Variants in NLGN1 observed in about 807,000 individuals in gnomAD.
The protein encoded by NLGN1 is neuroligin-1.
Under a neutral mutation model 65.5 loss-of-function variants are expected in NLGN1, and 12 were observed. That is an observed-to-expected ratio of 0.18 (90% CI 0.12 to 0.30). NLGN1 has a LOEUF of 0.30. Among genes scored for constraint, NLGN1 ranks in the 10% least tolerant of loss-of-function variants. The pLI is 1.00. For synonymous variants in NLGN1, 350 were observed against 359.5 expected (o/e 0.97, Z 0.30); for missense variants, 750 against 1,007.1 (o/e 0.74, Z 3.46).
chr3:173,929,795 C>T (rs1743736611), intron 4 of NLGN1, among the ~76,000 whole-genome samples: 1 of 151,600 alleles, frequency 6.6e-6, no homozygotes, highest in African/African-American at 2.4e-5. Flanking sequence ...ACTTCTGCCT[C>T]TCGGGTTCAA....
chr3:173,485,118 A>C (rs887023375), intron 2 of NLGN1, among the ~76,000 whole-genome samples: 17 of 97,340 alleles, frequency 1.7e-4, no homozygotes, highest in Non-Finnish European at 3.5e-4. Flanking sequence ...GCAGCAGGCA[A>C]AAAAAAAAAA....
intron 3 of NLGN1, among the ~76,000 whole-genome samples, chr3:173,649,974 G>A (rs1758885304): frequency 6.6e-6 from 1 of 151,762 alleles, no homozygotes; most frequent in African/African-American, 2.4e-5. Context: ...CCTCATAAAA[G>A]GATACTATAT....
chr3:173,475,720 T>C (rs1726081546), intron 2 of NLGN1, among the ~76,000 whole-genome samples: 1 of 152,206 alleles, frequency 6.6e-6, no homozygotes, highest in Admixed American at 6.6e-5. Context: ...TTACCACTAA[T>C]CATTCCTCAA....
At chr3:173,419,017 C>CTTTTTTTTTTTTTTTTTTTTTTTTTT (rs1714402944) in intron 1 of NLGN1, among the ~76,000 whole-genome samples, 1 of 11,280 alleles carries the variant, frequency 8.9e-5, no homozygotes, top group African/African-American at 3.8e-4. Context: ...CTTTCTTCTT[C>CTTTTTTTTTTTTTTTTTTTTTTTTTT]TTCTTTTTTT....
chr3:174,130,862 T>C (rs1250972291), intron 4 of NLGN1, among the ~76,000 whole-genome samples: 1 of 152,178 alleles, frequency 6.6e-6, no homozygotes, highest in East Asian at 1.9e-4. Flanking sequence ...ATTCTTCAGT[T>C]AATGGCAGAA....
chr3:173,430,789 C>A (rs997854759), intron 1 of NLGN1, among the ~76,000 whole-genome samples: 8 of 152,140 alleles, frequency 5.3e-5, no homozygotes, highest in African/African-American at 1.9e-4. Context: ...TTCTCTGCTT[C>A]CCACCGTGTG....
At chr3:174,130,335 T>C (rs1719904175) in intron 4 of NLGN1, among the ~76,000 whole-genome samples, 1 of 152,046 alleles carries the variant, frequency 6.6e-6, no homozygotes, top group South Asian at 2.1e-4. Flanking sequence ...GATCGCGCCG[T>C]TGCACTCCAG....
intron 4 of NLGN1, among the ~76,000 whole-genome samples, chr3:174,202,510 C>G (rs1577340164): frequency 6.6e-6 from 1 of 151,852 alleles, no homozygotes; most frequent in East Asian, 1.9e-4. Flanking sequence ...GTATTTTACT[C>G]AAAAGGTCAA....
At chr3:173,548,741 G>A (rs138039633) in intron 2 of NLGN1, among the ~76,000 whole-genome samples, 1,645 of 151,890 alleles carry the variant, frequency 0.011, 25 homozygotes, top group African/African-American at 0.035. Flanking sequence ...TAACACGTGT[G>A]TGTATGAAAG....
intron 3 of NLGN1, among the ~76,000 whole-genome samples, chr3:173,725,161 A>G (rs1771560623): frequency 6.6e-6 from 1 of 152,182 alleles, no homozygotes; most frequent in African/African-American, 2.4e-5. Context: ...CATGTACCCT[A>G]GAACTTAAAG....
At chr3:173,774,980 A>G (rs915036119) in intron 3 of NLGN1, among the ~76,000 whole-genome samples, 1 of 152,190 alleles carries the variant, frequency 6.6e-6, no homozygotes, top group African/African-American at 2.4e-5. Flanking sequence ...GATTTGATAC[A>G]TTATAATTGA....
chr3:173,801,773 C>T (rs761910753), intron 3 of NLGN1, among the ~76,000 whole-genome samples: 8 of 152,032 alleles, frequency 5.3e-5, no homozygotes, highest in Non-Finnish European at 7.4e-5. Flanking sequence ...AAATCATTAT[C>T]GCTGTCCAAG....
At chr3:173,777,607 TTCTGTCTGTCTGTCTG>T (rs149878598) in intron 3 of NLGN1, among the ~76,000 whole-genome samples, 5 of 149,594 alleles carry the variant, frequency 3.3e-5, no homozygotes, top group African/African-American at 5.0e-5. Flanking sequence ...CCAGAATGTA[TTCTGTCTGTCTGTCTG>T]TCTGTCTGTC....
At chr3:173,939,649 C>G (rs1386055547) in intron 4 of NLGN1, among the ~76,000 whole-genome samples, 2 of 152,054 alleles carry the variant, frequency 1.3e-5, no homozygotes, top group African/African-American at 4.8e-5. Flanking sequence ...GTTTTCATAT[C>G]CACTTTTCTT....
chr3:174,191,089 A>G (rs768349922), intron 4 of NLGN1, among the ~76,000 whole-genome samples: 4 of 152,136 alleles, frequency 2.6e-5, no homozygotes, highest in African/African-American at 4.8e-5. Flanking sequence ...AAGCCTTTCC[A>G]TAGGATAAAA....
At chr3:174,273,954 G>A (rs12632857) in intron 4 of NLGN1, among the ~76,000 whole-genome samples, 18,372 of 151,478 alleles carry the variant, frequency 0.12, 1,725 homozygotes, top group East Asian at 0.54. Context: ...TCATGGTTTT[G>A]TTTTCATAAA....
intron 4 of NLGN1, among the ~76,000 whole-genome samples, chr3:173,992,793 A>G (rs1056059601): frequency 7.2e-5 from 11 of 152,326 alleles, no homozygotes; most frequent in African/African-American, 2.6e-4. Context: ...TGTTCATTGT[A>G]TGAACCTAAA....
chr3:174,218,460 C>T (rs1463881719), intron 4 of NLGN1, among the ~76,000 whole-genome samples: 2 of 152,046 alleles, frequency 1.3e-5, no homozygotes, highest in East Asian at 1.9e-4. Context: ...ATCTTTCCCA[C>T]CATGAATATT....
chr3:173,904,405 G>A (rs138078649), intron 4 of NLGN1, among the ~76,000 whole-genome samples: 1 of 151,934 alleles, frequency 6.6e-6, no homozygotes, highest in East Asian at 1.9e-4. Context: ...TCTTTGTCCT[G>A]GCTTCTCTCT....
Sources: gnomAD v4.1 joint callset for allele counts (sites outside exome capture counted in the v4.1 genomes callset) on GRCh38, gnomAD v4.1.1 for gene constraint, MANE v1.5 for transcripts, NCBI Gene and HGNC (gene_info 2026-07-23, HGNC 2026-07-21) for gene names.